The following PEX6 variants were observed in gnomAD, a reference collection of about 807,000 sequenced individuals.
PEX6 encodes the protein peroxisomal biogenesis factor 6, also known as peroxisome biogenesis factor 6.
Under a neutral mutation model 85.6 loss-of-function variants are expected in PEX6, and 55 were observed. The ratio of observed to expected loss-of-function variants is 0.64; its 90% CI spans 0.52 to 0.80. PEX6 has a LOEUF of 0.80. PEX6 is among the 30% of genes least tolerant of loss of function. PEX6 has a pLI of 0.00. For synonymous variants in PEX6, 519 were observed against 549.1 expected (o/e 0.95, Z 0.77); for missense variants, 1,099 against 1,260.3 (o/e 0.87, Z 1.94).
chr6:42,965,316 C>T lies in PEX6; in HGVS notation c.2524G>A (p.Val842Met), dbSNP rs368362933. The T allele has an allele frequency of 1.1e-5, 18 of 1,614,076 alleles. No homozygotes were observed. In the East Asian group the frequency reaches 1.6e-4, roughly 14 times the overall value. The change falls in exon 14 of 17, where the codon GTG (valine) becomes ATG (methionine). Residue 842 changes from valine to methionine, a missense_variant. By Grantham distance (21) the Val-to-Met change is conservative. Transcript: ENST00000304611. The surrounding 1 kb of genome is among the most constrained non-coding windows in gnomAD (Gnocchi z 5.0). ...CTGTTGGTGGCTCCAATCACAAACACATCCTGAGTGCTGTGCAGCCCATCT... is the reference window on the plus strand; with the variant it reads ...CTGTTGGTGGCTCCAATCACAAACATATCCTGAGTGCTGTGCAGCCCATCT... ...ELDGLHSTQD[V>M]FVIGATNRPD...
chr6:42,974,842 A>G, intron 2 of PEX6, 33 bp downstream of exon 2: 1 of 1,584,590 alleles, frequency 6.3e-7, no homozygotes, highest in Non-Finnish European at 8.7e-7. Context: ...TGAGGGTGAG[A>G]AGCTATCCTC....
intron 3 of PEX6, among the ~76,000 whole-genome samples, chr6:42,972,641 G>C (rs1298508684): frequency 1.3e-5 from 2 of 151,932 alleles, no homozygotes; most frequent in East Asian, 3.9e-4. Context: ...GTGGTGGTGG[G>C]CACCTGTAGT....
At position 42,978,679 on chromosome 6, in the gene PEX6, T is replaced by G; in HGVS notation, c.472A>C (p.Thr158Pro). The change falls in exon 1 of 17, where the codon ACT becomes CCT. Residue 158 changes from threonine to proline, a missense_variant. Physicochemically the swap from Thr to Pro is conservative, Grantham distance 38 (BLOSUM62 -1). Transcript: ENST00000304611. ...AGTCTGGCCCGCCCGCGGAGCTCAG[T>G]CACAGCCAGCCGAGTCCCTGGGCCC... is the stretch of plus-strand genomic sequence containing the variant. ...LLGPGTRLAV[T>P]ELRGRARLCP... 6.4e-7 allele frequency: 1 copy of G among 1,556,962 alleles called. No individual in the cohort carries two copies. Among genetic ancestry groups the G allele is most frequent in the Non-Finnish European group, 8.6e-7 (1 of 1,158,808 alleles).
chr6:42,967,616 T>C, intron 7 of PEX6, 53 bp from the exon 8 acceptor site: 1 of 1,519,706 alleles, frequency 6.6e-7, no homozygotes, highest in Admixed American at 1.9e-5. Flanking sequence ...GCAGCTCCTG[T>C]GGACTGCCTT....
rs754034834 is a variant in PEX6 at position 42,967,528 on chromosome 6, C to T, written c.1724G>A (p.Arg575Gln). The stretch of plus-strand genomic sequence containing the variant: ...CACATCAGCAGGCAGGTCCTGGGCC[C>T]GGCTTGTGGTGGCCACAACCATGAG... Reference protein sequence around the residue: ...PPLMVVATTSRAQDLPADVQT... With the variant: ...PPLMVVATTSQAQDLPADVQT... The change falls in exon 8 of 17, where the codon CGG (arginine) becomes CAG (glutamine). Residue 575 changes from arginine to glutamine, a missense_variant. By Grantham distance (43) the Arg-to-Gln change is conservative (BLOSUM62 1). Transcript: ENST00000304611. 5.0e-6 allele frequency: 8 copies of T among 1,606,110 alleles called. No individual in the cohort carries two copies. The highest frequency in any genetic ancestry group is 2.2e-5 in the South Asian group (2 of 89,526).
intron 3 of PEX6, among the ~76,000 whole-genome samples, chr6:42,972,011 T>G (rs1052527500): frequency 1.6e-4 from 24 of 152,338 alleles, no homozygotes; most frequent in Non-Finnish European, 2.6e-4. Context: ...AGAGGTGACA[T>G]GGAGCCTAAA....
At chr6:42,970,714 T>G (rs1770031940) in intron 3 of PEX6, among the ~76,000 whole-genome samples, 1 of 152,214 alleles carries the variant, frequency 6.6e-6, no homozygotes, top group East Asian at 1.9e-4. Flanking sequence ...GGTTTTATGG[T>G]GTGTGAATTT....
Position 42,965,340 on chromosome 6 carries a change from C to T in PEX6, c.2500G>A (p.Asp834Asn). The T allele has an allele frequency of 1.9e-6, 3 of 1,614,062 alleles. No individual in the cohort carries two copies. The highest frequency in any genetic ancestry group is 2.5e-6 in the Non-Finnish European group (3 of 1,179,986). The change falls in exon 14 of 17, where the codon GAT becomes AAT. Residue 834 changes from aspartate to asparagine, a missense_variant. Transcript: ENST00000304611. The surrounding 1 kb of genome is among the most constrained non-coding windows in gnomAD (Gnocchi z 5.0). ...ACATCCTGAGTGCTGTGCAGCCCAT[C>T]TAGCTCGGCAAGGAGCTGAGACACC... ...RVVSQLLAEL[D>N]GLHSTQDVFV...
At chr6:42,967,602 G>T (rs375290556) in intron 7 of PEX6, 39 bp from the exon 8 acceptor site, 1 of 1,558,742 alleles carries the variant, frequency 6.4e-7, no homozygotes. Flanking sequence ...TGAGAACATG[G>T]CTGGCAGCTC....
Position 42,978,461 on chromosome 6 carries a change from C to T in PEX6, c.690G>A (p.Glu230=), listed in dbSNP as rs368341252. The change falls in exon 1 of 17, where the codon GAG becomes GAA. Residue 230 remains glutamate (E), a synonymous_variant. Transcript: ENST00000304611. ...GEWVWVAQAR[E]SSNTSQPHLA... ...AGTGCGGCTGTGAAGTGTTCGATGA[C>T]TCTCTGGCCTGGGCCACCCACACCC... 1.7e-5 allele frequency: 27 copies of T among 1,614,096 alleles called. No homozygotes were observed. Among genetic ancestry groups the T allele is most frequent in the African/African-American group, 1.1e-4 (8 of 74,940 alleles).
chr6:42,971,329 C>T lies in PEX6; in HGVS notation c.1131-1342G>A, dbSNP rs1770049432. On this transcript the variant is annotated intron_variant, in intron 3 of 16. Transcript: ENST00000304611. This position sits in a 1 kb window ranked among gnomAD's most constrained non-coding sequence, Gnocchi z 4.4. Reference sequence around the variant, plus strand: ...CAGCTGAGTCATGGTGTGTATGACTCACCATGGAAGCCCTGCATAGGAATG... The same window carrying T: ...CAGCTGAGTCATGGTGTGTATGACTTACCATGGAAGCCCTGCATAGGAATG... Among the ~76,000 whole-genome samples the T allele has an allele frequency of 6.6e-6, 1 of 152,178 alleles. No individual in the cohort carries two copies. The highest frequency in any genetic ancestry group is 2.4e-5 in the African/African-American group (1 of 41,438).
intron 1 of PEX6, among the ~76,000 whole-genome samples, chr6:42,976,997 C>G (rs757761425): frequency 6.6e-6 from 1 of 152,038 alleles, no homozygotes; most frequent in Non-Finnish European, 1.5e-5. Context: ...GGAGGAAGTT[C>G]TAAATTCGTG....
Position 42,964,789 on chromosome 6 carries a change from C to T in PEX6, c.2806+1G>A, listed in dbSNP as rs751900826. 13 of 1,614,034 alleles carry T rather than the reference C, an allele frequency of 8.1e-6. No homozygotes were observed. Among genetic ancestry groups the T allele is most frequent in the Non-Finnish European group, 8.5e-6 (10 of 1,180,014 alleles). ...ACCTCTCAGACCGGCAAGTGGCTCA[C>T]CTTCCTCCAGGTCATGAACCCTGCG... On this transcript the variant is annotated splice_donor_variant, in intron 16 of 16. Transcript: ENST00000304611. LOFTEE classifies it high-confidence loss of function. This position sits in a 1 kb window ranked among gnomAD's most constrained non-coding sequence, Gnocchi z 4.6.
intron 2 of PEX6, among the ~76,000 whole-genome samples, chr6:42,974,442 G>GTTTTTGTTTTTTTTTTTTTTT (rs1561827292): frequency 8.6e-6 from 1 of 115,946 alleles, no homozygotes. Context: ...TGTCTGAAAT[G>GTTTTTGTTTTTTTTTTTTTTT]TTTTTTTTGT....
chr6:42,967,282 C>G, intron 8 of PEX6, 86 bp downstream of exon 8: 1 of 1,362,292 alleles, frequency 7.3e-7, no homozygotes, highest in Non-Finnish European at 1.0e-6. Context: ...GTTTTCTACT[C>G]TCACTCACAA....
In PEX6 at chr6:42,966,337, C is replaced by G. The variant is rs1472222445; in HGVS notation, c.2205G>C (p.Leu735=). The G allele has an allele frequency of 6.2e-7, 1 of 1,613,626 alleles. No homozygotes were observed. The highest frequency in any genetic ancestry group is 1.3e-5 in the African/African-American group (1 of 74,928). Residue 735 remains leucine (L), a synonymous_variant, in exon 11 of 17, where the codon CTG becomes CTC. Transcript: ENST00000304611. ...LEHPELLSLG[L]RRSGLLLHGP... The stretch of plus-strand genomic sequence containing the variant: ...CATGGAGCAGAAGGCCTGAGCGTCT[C>G]AGGCCCAGGCTCAGTAGCTCAGGGT...
chr6:42,978,667 C>A lies in PEX6; in HGVS notation c.484G>T (p.Gly162Trp), dbSNP rs1359274674. The A allele has an allele frequency of 1.3e-6, 2 of 1,563,012 alleles. No individual in the cohort carries two copies. Among genetic ancestry groups the A allele is most frequent in the Admixed American group, 1.9e-5 (1 of 53,202 alleles). The change falls in exon 1 of 17, where the codon GGG becomes TGG. Residue 162 changes from glycine (G) to tryptophan (W), a missense_variant. By Grantham distance (184) the Gly-to-Trp change is radical. Transcript: ENST00000304611. ...GTRLAVTELR[G>W]RARLCPESGD... ...GACTCTGGACACAGTCTGGCCCGCC[C>A]GCGGAGCTCAGTCACAGCCAGCCGA...
intron 4 of PEX6, 37 bp downstream of exon 4, chr6:42,969,848 C>A (rs1006040162): frequency 6.2e-7 from 1 of 1,614,086 alleles, no homozygotes; most frequent in Non-Finnish European, 8.5e-7. Flanking sequence ...TCGTTTCTAC[C>A]CCCTGCGCTG....
chr6:42,972,750 A>T (rs879804848), intron 3 of PEX6, among the ~76,000 whole-genome samples: 4 of 146,244 alleles, frequency 2.7e-5, no homozygotes, highest in Non-Finnish European at 6.0e-5. Context: ...AGCCTGGGCA[A>T]CAAAGCAAGA....
Sources: gnomAD v4.1 joint callset for allele counts (sites outside exome capture counted in the v4.1 genomes callset) on GRCh38, gnomAD v4.1.1 for gene constraint, Gnocchi (gnomAD v3.1) non-coding constraint, MANE v1.5 for transcripts, NCBI Gene and HGNC (gene_info 2026-07-23, HGNC 2026-07-21) for gene names.